Variants in NRXN1 observed in about 807,000 individuals in gnomAD.
The protein encoded by NRXN1 is neurexin-1.
A neutral mutation model predicts 150.9 loss-of-function variants in NRXN1; 39 were observed. The observed-to-expected ratio is 0.26, with a 90% confidence interval of 0.20 to 0.34. The LOEUF (loss-of-function observed/expected upper bound fraction) is 0.34, where lower values mean the gene tolerates loss of function less well. Ranked by LOEUF, NRXN1 falls within the 10% of genes least tolerant of loss-of-function variation. The pLI is 1.00. For synonymous variants in NRXN1, 924 were observed against 757.0 expected, an observed-to-expected ratio of 1.22 and a Z score of -3.62; for missense variants, 1,815 against 1,949.9, an observed-to-expected ratio of 0.93 and a Z score of 1.30.
At chr2:50,095,627 T>C (rs1700110457) in intron 18 of NRXN1, among the ~76,000 whole-genome samples, 3 of 152,152 alleles carry the variant, frequency 2.0e-5, no homozygotes, top group African/African-American at 7.2e-5. Context: ...CTTAAAACTT[T>C]CTGCAATATG....
At chr2:50,999,636 T>C (rs1699783644) in intron 2 of NRXN1, among the ~76,000 whole-genome samples, 1 of 151,986 alleles carries the variant, frequency 6.6e-6, no homozygotes, top group Non-Finnish European at 1.5e-5. Context: ...GAAAAGAACC[T>C]ACGTGAAATA....
chr2:50,312,810 T>G (rs375351152), intron 17 of NRXN1: 5 of 501,324 alleles, frequency 1.0e-5, no homozygotes, highest in Admixed American at 4.1e-5. Context: ...AAACAAACAA[T>G]GGTAAAATTA....
At chr2:50,464,213 A>T (rs967961381) in intron 17 of NRXN1, among the ~76,000 whole-genome samples, 1 of 151,788 alleles carries the variant, frequency 6.6e-6, no homozygotes, top group African/African-American at 2.4e-5. Flanking sequence ...GTTTACTGTA[A>T]TTCTATGGGA....
intron 5 of NRXN1, among the ~76,000 whole-genome samples, chr2:50,907,127 C>T (rs961314443): frequency 6.6e-6 from 1 of 151,546 alleles, no homozygotes; most frequent in Non-Finnish European, 1.5e-5. Context: ...ACTCTCATTG[C>T]CCTATACTCT....
chr2:49,975,360 T>G (rs1244614414), intron 21 of NRXN1, among the ~76,000 whole-genome samples: 1 of 152,122 alleles, frequency 6.6e-6, no homozygotes, highest in Non-Finnish European at 1.5e-5. Context: ...CTAACATCTT[T>G]TAGAGTCTGG....
chr2:50,651,066 C>A (rs1312057728), intron 5 of NRXN1, among the ~76,000 whole-genome samples: 2 of 151,912 alleles, frequency 1.3e-5, no homozygotes, highest in Non-Finnish European at 2.9e-5. Flanking sequence ...AGCACAGGTT[C>A]TTTTAATAAG....
intron 8 of NRXN1, among the ~76,000 whole-genome samples, chr2:50,604,110 G>T (rs1676716402): frequency 6.6e-6 from 1 of 152,120 alleles, no homozygotes; most frequent in Non-Finnish European, 1.5e-5. Context: ...ATCTGTTTCA[G>T]TATATTTACA....
rs1459036301 is a variant in NRXN1, at chr2:50,346,796, A to G, written c.3365-109826T>C. 1.2e-6 allele frequency: 2 copies of G among 1,613,330 alleles called. No individual in the cohort carries two copies. ...TGGATGTGGTGCGCTCCCAAACTGG[A>G]TGCCCCCCACGCCACTCCTAGGAGG... On this transcript the variant is annotated intron_variant, in intron 17 of 22. Transcript: ENST00000401669. The surrounding 1 kb of genome is among the most constrained non-coding windows in gnomAD (Gnocchi z 5.0).
intron 5 of NRXN1, among the ~76,000 whole-genome samples, chr2:50,840,277 G>A (rs931633634): frequency 6.6e-6 from 1 of 152,002 alleles, no homozygotes; most frequent in African/African-American, 2.4e-5. Flanking sequence ...CAGCAACTTT[G>A]CCATCAATCT....
chr2:50,181,316 A>C (rs1184573123), intron 18 of NRXN1, among the ~76,000 whole-genome samples: 1 of 27,126 alleles, frequency 3.7e-5, no homozygotes, highest in Non-Finnish European at 9.6e-5. Context: ...CTCTGAGGCA[A>C]AAAAAAAATA....
At chr2:50,531,610 G>A (rs1053579467) in intron 10 of NRXN1, among the ~76,000 whole-genome samples, 180 bp from the exon 11 acceptor site, 1 of 152,082 alleles carries the variant, frequency 6.6e-6, no homozygotes, top group Non-Finnish European at 1.5e-5. Context: ...TCACAGTAGA[G>A]GACTTCCCTT....
intron 5 of NRXN1, among the ~76,000 whole-genome samples, chr2:50,730,385 A>T (rs1574271066): frequency 6.6e-6 from 1 of 152,116 alleles, no homozygotes; most frequent in African/African-American, 2.4e-5. Context: ...CTATTTATTT[A>T]AGTATAAAAA....
intron 20 of NRXN1, among the ~76,000 whole-genome samples, chr2:50,054,003 C>G (rs1392759521): frequency 1.3e-5 from 2 of 152,124 alleles, no homozygotes; most frequent in African/African-American, 4.8e-5. Context: ...CAGCTGAAAT[C>G]TAATTTAAAT....
At chr2:49,943,222 G>A (rs1047760278) in intron 22 of NRXN1, among the ~76,000 whole-genome samples, 1 of 152,170 alleles carries the variant, frequency 6.6e-6, no homozygotes, top group Non-Finnish European at 1.5e-5. Context: ...TCTACCTGCT[G>A]TTTGTTTTAC....
chr2:50,880,927 T>C (rs1280442452), intron 5 of NRXN1, among the ~76,000 whole-genome samples: 2 of 151,916 alleles, frequency 1.3e-5, no homozygotes, highest in Non-Finnish European at 2.9e-5. Flanking sequence ...GGAACAATTA[T>C]GACTAGAGAA....
chr2:50,858,607 T>C (rs1675615412), intron 5 of NRXN1, among the ~76,000 whole-genome samples: 1 of 152,106 alleles, frequency 6.6e-6, no homozygotes, highest in Non-Finnish European at 1.5e-5. Context: ...GCTCAAGCAA[T>C]GAAGCTATGC....
chr2:50,843,275 T>C (rs1673140156), intron 5 of NRXN1, among the ~76,000 whole-genome samples: 1 of 152,186 alleles, frequency 6.6e-6, no homozygotes, highest in East Asian at 1.9e-4. Context: ...TTTCCTCCAA[T>C]GGAGACTTTG....
intron 18 of NRXN1, among the ~76,000 whole-genome samples, chr2:50,186,818 T>C (rs2061103639): frequency 6.6e-6 from 1 of 152,106 alleles, no homozygotes; most frequent in South Asian, 2.1e-4. Context: ...TAATTGACTA[T>C]TAAGATACAC....
Position 50,467,366 on chromosome 2 carries a change from C to T in NRXN1, c.3245-1805G>A, listed in dbSNP as rs141464670. ...CTAAATATATTTTCTAGTAAATAAA[C>T]ATATAGGTTTTATAAAAATAGAAAA... On this transcript the variant is annotated intron_variant, in intron 16 of 22. Transcript: ENST00000401669. 8.2e-3 allele frequency among the ~76,000 whole-genome samples: 1,236 copies of T among 151,380 alleles called. 16 individuals carry two copies. Among genetic ancestry groups the T allele is most frequent in the African/African-American group, 0.028 (1,150 of 41,378 alleles).
Sources: gnomAD v4.1 joint callset for allele counts (sites outside exome capture counted in the v4.1 genomes callset) on GRCh38, gnomAD v4.1.1 for gene constraint, Gnocchi (gnomAD v3.1) non-coding constraint, MANE v1.5 for transcripts, NCBI Gene and HGNC (gene_info 2026-07-23, HGNC 2026-07-21) for gene names.